The following GSPT1 variants were observed in gnomAD, a reference collection of about 807,000 sequenced individuals.
GSPT1 encodes the protein eukaryotic peptide chain release factor GTP-binding subunit ERF3A.
In GSPT1, 20 loss-of-function variants were observed where a neutral mutation model predicts 72.5. The ratio of observed to expected loss-of-function variants is 0.28; its 90% CI spans 0.19 to 0.40. The LOEUF (loss-of-function observed/expected upper bound fraction) is 0.40, where lower values mean the gene tolerates loss of function less well. Among genes scored for constraint, GSPT1 ranks in the 10% least tolerant of loss-of-function variants. The probability of loss-of-function intolerance (pLI) is 1.00; values close to 1 mark genes in which losing one functional copy is unlikely to be tolerated. For missense variants in GSPT1, 580 were observed against 811.9 expected, an observed-to-expected ratio of 0.71 and a Z score of 3.47; for synonymous variants, 334 against 293.5, an observed-to-expected ratio of 1.14 and a Z score of -1.41.
intron 1 of GSPT1, among the ~76,000 whole-genome samples, chr16:11,910,017 A>G (rs1252921051): frequency 6.6e-6 from 1 of 152,184 alleles, no homozygotes; most frequent in East Asian, 1.9e-4. Context: ...AGATCACTTG[A>G]GCCCAGGGAT....
chr16:11,915,810 G>A lies in GSPT1; in HGVS notation c.-90C>T. On this transcript the variant is annotated 5_prime_UTR_variant, in exon 1 of 15. Coordinates refer to ENST00000434724, the MANE Select transcript of GSPT1 (RefSeq NM_002094.4). ...AGAGGAGTGGGCAACGCTGACTGAG[G>A]GAAGGCGGCGGGGCAGAAGGGCCGG... 6.4e-7 allele frequency: 1 copy of A among 1,565,858 alleles called. No homozygotes were observed. The highest frequency in any genetic ancestry group is 8.7e-7 in the Non-Finnish European group (1 of 1,155,972).
chr16:11,915,114 G>C, intron 1 of GSPT1: 1 of 1,138,210 alleles, frequency 8.8e-7, no homozygotes, highest in Non-Finnish European at 1.1e-6. Context: ...AGCAGGGCAG[G>C]GGCGCGGAGG....
intron 5 of GSPT1, among the ~76,000 whole-genome samples, chr16:11,894,126 A>G (rs2054304184): frequency 8.0e-6 from 1 of 124,628 alleles, no homozygotes; most frequent in African/African-American, 3.0e-5. Flanking sequence ...ACTGCACTCC[A>G]GCCTTGGTGA....
At chr16:11,874,240 T>C (rs2054011129) in intron 14 of GSPT1, among the ~76,000 whole-genome samples, 1 of 152,030 alleles carries the variant, frequency 6.6e-6, no homozygotes. Flanking sequence ...TTGAATTACA[T>C]ACTTAAAACA....
intron 1 of GSPT1, among the ~76,000 whole-genome samples, chr16:11,905,627 G>C (rs915370159): frequency 6.6e-6 from 1 of 152,154 alleles, no homozygotes; most frequent in Non-Finnish European, 1.5e-5. Flanking sequence ...TTGAGGTCAG[G>C]AATTTGAGAC....
upstream of GSPT1, chr16:11,915,984 A>C (rs756190137): frequency 2.9e-6 from 2 of 700,874 alleles, no homozygotes; most frequent in Non-Finnish European, 5.3e-6. Context: ...ACCACCTCCG[A>C]CGGCCTCACA....
intron 1 of GSPT1, among the ~76,000 whole-genome samples, chr16:11,909,461 C>T (rs2054530217): frequency 6.6e-6 from 1 of 152,080 alleles, no homozygotes; most frequent in East Asian, 1.9e-4. Flanking sequence ...ATTCTTGTCT[C>T]CCGAAGATAT....
chr16:11,885,061 T>G, intron 10 of GSPT1, 120 bp downstream of exon 10: 2 of 564,890 alleles, frequency 3.5e-6, no homozygotes, highest in South Asian at 3.7e-5. Flanking sequence ...GAGTGCAAGA[T>G]TCTGTCAAAA....
rs2053957852 is a variant in GSPT1, at chr16:11,869,690, CAGTCCATGAGGA to C, written c.*3417_*3428del. The C allele has an allele frequency of 6.6e-6, 1 of 152,224 alleles. No homozygotes were observed. The highest frequency in any genetic ancestry group is 2.4e-5 in the African/African-American group (1 of 41,458). The allele number at this position is 152,224 out of a possible 1,614,324, so 9.4% of individuals were successfully genotyped here. A position where few individuals can be genotyped will look rare whatever the true frequency, so the allele number is the denominator to read the frequency against. On this transcript the variant is annotated 3_prime_UTR_variant, in exon 15 of 15. Transcript: ENST00000434724. ...AATGAAGCTATCATCCATGAAGTAG[CAGTCCATGAGGA>C]AGTCCATGCCAGTAAGAAAAGGTGC...
At chr16:11,878,107 G>A (rs966590952) in intron 11 of GSPT1, among the ~76,000 whole-genome samples, 3 of 152,118 alleles carry the variant, frequency 2.0e-5, no homozygotes, top group Non-Finnish European at 4.4e-5. Flanking sequence ...GATGATGGCT[G>A]CATAGCATTG....
chr16:11,887,836 G>A (rs2054202911), intron 6 of GSPT1, 86 bp from the exon 7 acceptor site: 2 of 861,770 alleles, frequency 2.3e-6, no homozygotes, highest in African/African-American at 1.7e-5. Flanking sequence ...TATAATGGAT[G>A]ACACACAACA....
At chr16:11,876,303 T>C (rs1241182655) in intron 12 of GSPT1, 128 bp from the exon 13 acceptor site, 5 of 701,912 alleles carry the variant, frequency 7.1e-6, no homozygotes, top group South Asian at 6.6e-5. Flanking sequence ...TAAGTGATTT[T>C]TGTGTTAGAG....
chr16:11,915,562 C>A lies in GSPT1; in HGVS notation c.159G>T (p.Ala53=). 1 of 1,490,904 alleles carries A rather than the reference C, an allele frequency of 6.7e-7. No homozygotes were observed. Among genetic ancestry groups the A allele is most frequent in the East Asian group, 3.0e-5 (1 of 33,524 alleles). The allele number at this position is 1,490,904 out of a possible 1,614,324, so 92.4% of individuals were successfully genotyped here. A position where few individuals can be genotyped will look rare whatever the true frequency, so the allele number is the denominator to read the frequency against. ...TGAGGTTCTCCCGCTGGGCCTCGGC[C>A]GCCGCCGCCAGGGAGCCGCCGCCGC... The part of the protein sequence containing the change: ...PCGGGGSLAA[A]AEAQRENLSA... Residue 53 remains alanine, a synonymous_variant, in exon 1 of 15, where the codon GCG becomes GCT. Coordinates refer to ENST00000434724, the MANE Select transcript of GSPT1 (RefSeq NM_002094.4).
intron 13 of GSPT1, 35 bp downstream of exon 13, chr16:11,876,051 T>C: frequency 6.7e-7 from 1 of 1,496,150 alleles, no homozygotes; most frequent in Non-Finnish European, 9.3e-7. Flanking sequence ...TAAAACAGTA[T>C]TAAAACAGAA....
At chr16:11,913,592 A>G (rs1167189185) in intron 1 of GSPT1, among the ~76,000 whole-genome samples, 1 of 152,222 alleles carries the variant, frequency 6.6e-6, no homozygotes, top group Non-Finnish European at 1.5e-5. Flanking sequence ...GACTCGCTGG[A>G]CAGGCTGTAA....
At chr16:11,891,232 G>A (rs555351224) in intron 5 of GSPT1, 93 bp from the exon 6 acceptor site, 23 of 579,820 alleles carry the variant, frequency 4.0e-5, no homozygotes, top group Middle Eastern at 3.9e-4. Context: ...AAATTTCAAC[G>A]TCAGAAAATA....
rs1002427347 is a variant in GSPT1 at position 11,872,447 on chromosome 16, G to C, written c.*672C>G. 1.1e-4 allele frequency: 16 copies of C among 151,590 alleles called. No individual in the cohort carries two copies. Among genetic ancestry groups the C allele is most frequent in the African/African-American group, 3.9e-4 (16 of 41,304 alleles). The allele number at this position is 151,590 out of a possible 1,614,324, so 9.4% of individuals were successfully genotyped here. On this transcript the variant is annotated 3_prime_UTR_variant, in exon 15 of 15. Coordinates refer to ENST00000434724, the MANE Select transcript of GSPT1 (RefSeq NM_002094.4). Reference sequence around the variant, plus strand: ...AAGCAGTGTCACATTTGCATAAAGGGATTTAACTGCATGTATGCATTAACC... The same window carrying C: ...AAGCAGTGTCACATTTGCATAAAGGCATTTAACTGCATGTATGCATTAACC...
intron 11 of GSPT1, among the ~76,000 whole-genome samples, chr16:11,879,301 A>AG (rs538618021): frequency 0.012 from 1,802 of 151,452 alleles, 35 homozygotes; most frequent in African/African-American, 0.041. Flanking sequence ...AGGCTGAGGC[A>AG]GAGAACTGCT....
rs1355892561 is a variant in GSPT1, at chr16:11,869,809, G to A, written c.*3310C>T. 1 of 152,180 alleles carries A rather than the reference G, an allele frequency of 6.6e-6. No homozygotes were observed. Among genetic ancestry groups the A allele is most frequent in the East Asian group, 1.9e-4 (1 of 5,200 alleles). The allele number at this position is 152,180 out of a possible 1,614,324, so 9.4% of individuals were successfully genotyped here. A position where few individuals can be genotyped will look rare whatever the true frequency, so the allele number is the denominator to read the frequency against. On this transcript the variant is annotated 3_prime_UTR_variant, in exon 15 of 15. Coordinates refer to ENST00000434724, the MANE Select transcript of GSPT1 (RefSeq NM_002094.4). ...CTAGTGTTCCTGCAGATCGCCAAGG[G>A]AGCTTAGCTGATTTTTTTCCAGGTT...
Sources: gnomAD v4.1 joint callset for allele counts (sites outside exome capture counted in the v4.1 genomes callset) on GRCh38, gnomAD v4.1.1 for gene constraint, MANE v1.5 for transcripts, NCBI Gene and HGNC (gene_info 2026-07-23, HGNC 2026-07-21) for gene names.